The following GNG12 variants were observed in gnomAD, a reference collection of about 807,000 sequenced individuals.
The protein encoded by GNG12 is G protein subunit gamma 12.
For synonymous variants in GNG12, 28 were observed against 29.7 expected (o/e 0.94, Z 0.19); for missense variants, 69 against 83.8 (o/e 0.82, Z 0.69).
intron 2 of GNG12, among the ~76,000 whole-genome samples, chr1:67,760,661 G>A (rs982263649): frequency 9.2e-5 from 14 of 152,178 alleles, no homozygotes; most frequent in Admixed American, 4.6e-4. Flanking sequence ...GTTAGAACTC[G>A]TATTCTGATT....
At chr1:67,717,633 T>C (rs1646333671) in intron 2 of GNG12, among the ~76,000 whole-genome samples, 1 of 152,226 alleles carries the variant, frequency 6.6e-6, no homozygotes, top group Non-Finnish European at 1.5e-5. Flanking sequence ...TTCTTCAGAC[T>C]GAAATTTTTC....
At chr1:67,743,989 G>C (rs1158389757) in intron 2 of GNG12, among the ~76,000 whole-genome samples, 1 of 152,216 alleles carries the variant, frequency 6.6e-6, no homozygotes, top group Non-Finnish European at 1.5e-5. Flanking sequence ...TCCTTTGAGT[G>C]AGTTTTTGTG....
intron 2 of GNG12, among the ~76,000 whole-genome samples, chr1:67,722,443 T>C (rs1646361534): frequency 6.6e-6 from 1 of 152,178 alleles, no homozygotes; most frequent in South Asian, 2.1e-4. Context: ...CACGATGGAC[T>C]GAGTCCTGCA....
chr1:67,767,738 C>T (rs1344932301), intron 2 of GNG12, among the ~76,000 whole-genome samples: 3 of 152,186 alleles, frequency 2.0e-5, no homozygotes, highest in African/African-American at 7.2e-5. Context: ...TAAATCTTAA[C>T]AATAAAATGA....
chr1:67,801,134 G>A (rs74081820), intron 1 of GNG12, among the ~76,000 whole-genome samples: 1,791 of 152,214 alleles, frequency 0.012, 35 homozygotes, highest in African/African-American at 0.037. Context: ...GTTGAGTAGC[G>A]TCTTCCATAC....
intron 2 of GNG12, among the ~76,000 whole-genome samples, chr1:67,742,948 T>A (rs1213608988): frequency 2.6e-5 from 4 of 152,098 alleles, no homozygotes; most frequent in Admixed American, 2.0e-4. Flanking sequence ...ACACTAAACA[T>A]CTGATACTAG....
In GNG12 at chr1:67,817,511, C is replaced by T. The variant is rs79303068; in HGVS notation, c.-77+15833G>A. Reference sequence around the variant, plus strand: ...ATAATCTTTCCACACACTGTCTCCACCCTAACTATGACCCCATTCCTGATC... The same window carrying T: ...ATAATCTTTCCACACACTGTCTCCATCCTAACTATGACCCCATTCCTGATC... On this transcript the variant is annotated intron_variant, in intron 1 of 3. Transcript: ENST00000370982. 6.7e-3 allele frequency among the ~76,000 whole-genome samples: 1,027 copies of T among 152,310 alleles called. 15 individuals are homozygous for T. Among genetic ancestry groups the T allele is most frequent in the African/African-American group, 0.024 (989 of 41,578 alleles).
intron 2 of GNG12, among the ~76,000 whole-genome samples, chr1:67,724,370 T>A (rs1646373929): frequency 6.6e-6 from 1 of 152,178 alleles, no homozygotes; most frequent in African/African-American, 2.4e-5. Context: ...AAAAGCCAGT[T>A]ATAGAAGAGC....
At chr1:67,706,810 C>T (rs1265379742) in intron 3 of GNG12, among the ~76,000 whole-genome samples, 1 of 152,046 alleles carries the variant, frequency 6.6e-6, no homozygotes, top group Non-Finnish European at 1.5e-5. Context: ...CGTGCGCACG[C>T]CACCGTGCCT....
At chr1:67,809,476 A>G (rs1178598329) in intron 1 of GNG12, among the ~76,000 whole-genome samples, 2 of 152,212 alleles carry the variant, frequency 1.3e-5, no homozygotes, top group African/African-American at 2.4e-5. Flanking sequence ...GCCAAAGACA[A>G]TGTCAAGAGA....
At chr1:67,760,883 C>A (rs1403333427) in intron 2 of GNG12, among the ~76,000 whole-genome samples, 1 of 152,192 alleles carries the variant, frequency 6.6e-6, no homozygotes, top group Non-Finnish European at 1.5e-5. Flanking sequence ...ATTAAGGACT[C>A]TGCTTCAAGA....
intron 1 of GNG12, among the ~76,000 whole-genome samples, chr1:67,821,973 G>A (rs1646987424): frequency 6.6e-6 from 1 of 151,698 alleles, no homozygotes; most frequent in African/African-American, 2.4e-5. Flanking sequence ...CTAAACCAGG[G>A]GTGTCCAATC....
chr1:67,824,777 T>C (rs943159610), intron 1 of GNG12, among the ~76,000 whole-genome samples: 2 of 152,162 alleles, frequency 1.3e-5, no homozygotes, highest in African/African-American at 2.4e-5. Flanking sequence ...TTTAGGCAGG[T>C]AGGTTCTCAT....
intron 1 of GNG12, among the ~76,000 whole-genome samples, chr1:67,825,137 T>C (rs1394684963): frequency 6.6e-6 from 1 of 152,222 alleles, no homozygotes; most frequent in African/African-American, 2.4e-5. Flanking sequence ...CCTGGAATTT[T>C]GTGTAATCAA....
intron 1 of GNG12, among the ~76,000 whole-genome samples, chr1:67,828,193 G>A (rs1647022057): frequency 6.6e-6 from 1 of 152,170 alleles, no homozygotes; most frequent in African/African-American, 2.4e-5. Context: ...CAGGCCTGCT[G>A]GGTCTCAGCA....
chr1:67,707,951 A>T (rs1646259909), intron 2 of GNG12, among the ~76,000 whole-genome samples: 1 of 152,206 alleles, frequency 6.6e-6, no homozygotes, highest in South Asian at 2.1e-4. Flanking sequence ...TAGCAGTTTA[A>T]TCGATGCACC....
At chr1:67,781,472 T>C (rs1646737213) in intron 1 of GNG12, among the ~76,000 whole-genome samples, 2 of 152,186 alleles carry the variant, frequency 1.3e-5, no homozygotes, top group Non-Finnish European at 2.9e-5. Context: ...TTGAGGCCTT[T>C]ACATTGTAAT....
intron 2 of GNG12, among the ~76,000 whole-genome samples, chr1:67,770,924 A>G (rs895957158): frequency 3.3e-5 from 5 of 152,176 alleles, no homozygotes; most frequent in Admixed American, 6.5e-5. Flanking sequence ...GACTGTTTAT[A>G]GACCAAAAAG....
At chr1:67,794,130 C>T (rs1423818416) in intron 1 of GNG12, among the ~76,000 whole-genome samples, 1 of 152,196 alleles carries the variant, frequency 6.6e-6, no homozygotes, top group Non-Finnish European at 1.5e-5. Flanking sequence ...AAACCATATC[C>T]ACTAAACTTT....
Sources: allele counts gnomAD v4.1 joint callset (sites outside exome capture counted in the v4.1 genomes callset), GRCh38; gene constraint gnomAD v4.1.1; transcripts MANE v1.5; gene names NCBI Gene and HGNC (gene_info 2026-07-23, HGNC 2026-07-21).